The following MERTK variants were observed in gnomAD, a reference collection of about 807,000 sequenced individuals.
The protein encoded by MERTK is MER proto-oncogene, tyrosine kinase, also known as tyrosine-protein kinase Mer.
MERTK carries 69 observed loss-of-function variants against 99.3 expected under a neutral mutation model. The observed-to-expected ratio is 0.70, with a 90% confidence interval of 0.57 to 0.85. MERTK has a LOEUF of 0.85. MERTK is among the 40% of genes least tolerant of loss of function. The pLI is 0.00. For missense variants in MERTK, 1,125 were observed against 1,249.4 expected (o/e 0.90, Z 1.50); for synonymous variants, 426 against 467.6 (o/e 0.91, Z 1.15).
At chr2:111,960,652 G>A (rs890710297) in intron 4 of MERTK, among the ~76,000 whole-genome samples, 1 of 151,636 alleles carries the variant, frequency 6.6e-6, no homozygotes, top group Admixed American at 6.6e-5. Flanking sequence ...CAATTTCAAG[G>A]TATATATATG....
At chr2:112,026,911 G>A (rs1677474884) in intron 18 of MERTK, among the ~76,000 whole-genome samples, 1 of 152,134 alleles carries the variant, frequency 6.6e-6, no homozygotes, top group South Asian at 2.1e-4. Context: ...GTAATTTATT[G>A]CATGGGTCAG....
chr2:111,963,114 T>C (rs888178813), intron 4 of MERTK, among the ~76,000 whole-genome samples: 1 of 152,170 alleles, frequency 6.6e-6, no homozygotes, highest in African/African-American at 2.4e-5. Flanking sequence ...AACAAAGGTC[T>C]CTGCAACATA....
chr2:112,008,580 C>T (rs754133712), intron 14 of MERTK, 105 bp downstream of exon 14: 18 of 847,438 alleles, frequency 2.1e-5, no homozygotes, highest in Non-Finnish European at 3.5e-5. Context: ...CTTCGTATAA[C>T]CCCAACATAA....
chr2:111,980,650 C>T (rs1676352702), intron 7 of MERTK, among the ~76,000 whole-genome samples: 3 of 152,022 alleles, frequency 2.0e-5, no homozygotes, highest in Non-Finnish European at 1.5e-5. Context: ...GATCTCCTGA[C>T]CTCGTGACCC....
intron 16 of MERTK, 114 bp downstream of exon 16, chr2:112,019,636 G>T: frequency 1.2e-6 from 1 of 817,298 alleles, no homozygotes; most frequent in East Asian, 2.5e-5. Context: ...CAGTCAGCGG[G>T]GGATGGTGTG....
intron 18 of MERTK, among the ~76,000 whole-genome samples, chr2:112,026,589 CAG>C (rs902049849): frequency 1.3e-5 from 2 of 152,166 alleles, no homozygotes; most frequent in Non-Finnish European, 2.9e-5. Flanking sequence ...GGAAACAAAA[CAG>C]AACCCCTAAG....
At chr2:111,976,735 A>T (rs527787367) in intron 7 of MERTK, among the ~76,000 whole-genome samples, 2 of 151,600 alleles carry the variant, frequency 1.3e-5, no homozygotes, top group Admixed American at 1.3e-4. Context: ...TTCTTCATTT[A>T]AAAATATTAT....
intron 6 of MERTK, among the ~76,000 whole-genome samples, chr2:111,969,717 A>G (rs1676050590): frequency 7.4e-6 from 1 of 134,868 alleles, no homozygotes; most frequent in Non-Finnish European, 1.5e-5. Context: ...TTTGAGACAG[A>G]GTCTCGCTCT....
chr2:111,970,428 A>G (rs549829461), intron 6 of MERTK, among the ~76,000 whole-genome samples: 1 of 152,268 alleles, frequency 6.6e-6, no homozygotes, highest in East Asian at 1.9e-4. Flanking sequence ...AAGTGCTGGG[A>G]TTACTGGTGT....
intron 4 of MERTK, among the ~76,000 whole-genome samples, chr2:111,949,930 A>G (rs369817128): frequency 1.3e-5 from 2 of 152,068 alleles, no homozygotes; most frequent in Non-Finnish European, 2.9e-5. Flanking sequence ...TCACTAGTAC[A>G]TCATCTTTAT....
At chr2:111,990,498 G>A (rs1676595351) in intron 8 of MERTK, among the ~76,000 whole-genome samples, 2 of 152,086 alleles carry the variant, frequency 1.3e-5, no homozygotes, top group Non-Finnish European at 1.5e-5. Context: ...CATTTGCTCT[G>A]GGCCAGGCAC....
intron 1 of MERTK, among the ~76,000 whole-genome samples, chr2:111,926,181 T>C (rs1434501811): frequency 6.6e-6 from 1 of 152,216 alleles, no homozygotes; most frequent in Non-Finnish European, 1.5e-5. Context: ...TTGAATTTTT[T>C]CACAACAAAT....
intron 13 of MERTK, among the ~76,000 whole-genome samples, chr2:112,007,540 A>G (rs533986789): frequency 6.6e-6 from 1 of 152,212 alleles, no homozygotes; most frequent in East Asian, 1.9e-4. Context: ...CCTGGCAAGC[A>G]CTATTCTATT....
In MERTK at chr2:111,923,234, A is replaced by G. The variant is rs191204179; in HGVS notation, c.62-5886A>G. ...CAAGTATGTTCAGAAAAACAGGGCAAACTCACACAGAAAAATGGGCAGTAT... is the reference window on the plus strand; with the variant it reads ...CAAGTATGTTCAGAAAAACAGGGCAGACTCACACAGAAAAATGGGCAGTAT... On this transcript the variant is annotated intron_variant, in intron 1 of 18. Coordinates refer to ENST00000295408, the MANE Select transcript of MERTK (RefSeq NM_006343.3). Among the ~76,000 whole-genome samples the G allele has an allele frequency of 1.6e-4, 24 of 152,372 alleles. No homozygotes were observed. The East Asian group carries it at 3.7e-3, about 23-fold the overall frequency.
rs1490993554 is a variant in MERTK at position 111,940,722 on chromosome 2, A to T, written c.483-4238A>T. 3 of 824,830 alleles carry T rather than the reference A, an allele frequency of 3.6e-6. No individual in the cohort carries two copies. In the African/African-American group the frequency reaches 4.9e-5, roughly 14 times the overall value. 51.1% of individuals were successfully genotyped at this position (824,830 alleles called of 1,614,324 possible). A position where few individuals can be genotyped will look rare whatever the true frequency, so the allele number is the denominator to read the frequency against. Reference sequence around the variant, plus strand: ...TTGCATTGTCAGCAGTTTTTGCATTATCAGGTACTAAGTCCTTGTATTTTT... The same window carrying T: ...TTGCATTGTCAGCAGTTTTTGCATTTTCAGGTACTAAGTCCTTGTATTTTT... On this transcript the variant is annotated intron_variant, in intron 2 of 18. Coordinates refer to ENST00000295408, the MANE Select transcript of MERTK (RefSeq NM_006343.3).
chr2:111,927,003 A>G (rs949373485), intron 1 of MERTK, among the ~76,000 whole-genome samples: 1 of 152,206 alleles, frequency 6.6e-6, no homozygotes, highest in Non-Finnish European at 1.5e-5. Flanking sequence ...CCATGATGGC[A>G]CATTCATCTG....
rs766307700 is a variant in MERTK, at chr2:111,997,199, A to ATATT, written c.1451-122_1451-119dup. ...AGCTTACACAAAGTGAGACCTGCCT[A>ATATT]TATTTGTAGATTATAAAAGATTTAA... On this transcript the variant is annotated intron_variant, in intron 9 of 18. Coordinates refer to ENST00000295408, the MANE Select transcript of MERTK (RefSeq NM_006343.3). 42 of 1,137,290 alleles carry ATATT rather than the reference A, an allele frequency of 3.7e-5. No individual in the cohort carries two copies. In the East Asian group the frequency reaches 8.6e-4, roughly 23 times the overall value. The allele number at this position is 1,137,290 out of a possible 1,614,324, so 70.4% of individuals were successfully genotyped here.
intron 6 of MERTK, among the ~76,000 whole-genome samples, chr2:111,969,431 T>C (rs1274160720): frequency 1.3e-5 from 2 of 152,132 alleles, no homozygotes; most frequent in Non-Finnish European, 2.9e-5. Context: ...TACTTAATCA[T>C]ACAGTAGGGT....
chr2:111,940,839 A>G (rs942477385), intron 2 of MERTK: 3 of 903,968 alleles, frequency 3.3e-6, no homozygotes, highest in Non-Finnish European at 5.5e-6. Flanking sequence ...GACAGTTAAC[A>G]TCTCTGAGAT....
Sources: allele counts gnomAD v4.1 joint callset (sites outside exome capture counted in the v4.1 genomes callset), GRCh38; gene constraint gnomAD v4.1.1; transcripts MANE v1.5; gene names NCBI Gene and HGNC (gene_info 2026-07-23, HGNC 2026-07-21).